CACNA1C: variants seen among roughly 807,000 people sequenced by gnomAD.
CACNA1C encodes calcium voltage-gated channel subunit alpha1 C, also known as voltage-dependent L-type calcium channel subunit alpha-1C.
CACNA1C carries 30 observed loss-of-function variants against 229.0 expected under a neutral mutation model. The ratio of observed to expected loss-of-function variants is 0.13; its 90% CI spans 0.10 to 0.18. The LOEUF (loss-of-function observed/expected upper bound fraction) is 0.18. CACNA1C is among the 10% of genes least tolerant of loss of function. The pLI is 1.00. For missense variants in CACNA1C, 1,658 were observed against 2,845.0 expected, an observed-to-expected ratio of 0.58 and a Z score of 9.49; for synonymous variants, 1,114 against 1,132.5, an observed-to-expected ratio of 0.98 and a Z score of 0.33.
At position 2,384,878 on chromosome 12, in the gene CACNA1C, A is replaced by G. The variant is rs113621455; in HGVS notation, c.478-64098A>G. 3.3e-3 allele frequency among the ~76,000 whole-genome samples: 507 copies of G among 152,294 alleles called. 3 individuals are homozygous for G. Among genetic ancestry groups the G allele is most frequent in the African/African-American group, 0.012 (479 of 41,558 alleles). ...TCTTTTTACTTTTTGGTCTGCTAGA[A>G]TTTACTGCATGCGTAGTTATCCAGA... On this transcript the variant is annotated intron_variant, in intron 3 of 46. Transcript: ENST00000399655.
intron 3 of CACNA1C, among the ~76,000 whole-genome samples, chr12:2,443,709 T>A: frequency 6.6e-6 from 1 of 152,212 alleles, no homozygotes; most frequent in Admixed American, 6.5e-5. Flanking sequence ...CACGGAACTG[T>A]ATATTCAAGG....
rs1025542636 is a variant in CACNA1C, at chr12:2,639,250, A to T, written c.3912+4870A>T. On this transcript the variant is annotated intron_variant, in intron 30 of 46. Coordinates refer to ENST00000399655, the MANE Select transcript of CACNA1C (RefSeq NM_000719.7). This position sits in a 1 kb window ranked among gnomAD's most constrained non-coding sequence, Gnocchi z 4.2. ...TAAGAGTGCGATGTCCTGCTGCTCT[A>T]GGGAAGCCTCTTGCTCTTCCTCAGT... Among the ~76,000 whole-genome samples the T allele has an allele frequency of 1.3e-5, 2 of 152,140 alleles. No homozygotes were observed. Among genetic ancestry groups the T allele is most frequent in the Non-Finnish European group, 2.9e-5 (2 of 68,034 alleles).
chr12:2,224,599 T>G (rs1018266090), intron 3 of CACNA1C, among the ~76,000 whole-genome samples: 5 of 152,300 alleles, frequency 3.3e-5, no homozygotes, highest in Admixed American at 3.3e-4. Context: ...TTGTGTGTTA[T>G]AAGATGACTT....
At chr12:2,452,957 TC>T (rs779226931) in intron 4 of CACNA1C, among the ~76,000 whole-genome samples, 1 of 152,026 alleles carries the variant, frequency 6.6e-6, no homozygotes, top group East Asian at 1.9e-4. Flanking sequence ...AGAAGCCCAC[TC>T]CCCCATCCTG....
chr12:2,327,339 T>A (rs971642378), intron 3 of CACNA1C, among the ~76,000 whole-genome samples: 2 of 152,244 alleles, frequency 1.3e-5, no homozygotes, highest in African/African-American at 2.4e-5. Context: ...TGAAACACAC[T>A]GCCAGGCATC....
intron 45 of CACNA1C, 141 bp downstream of exon 45, chr12:2,686,410 T>C (rs112415958): frequency 1.5e-4 from 116 of 762,134 alleles, no homozygotes; most frequent in Admixed American, 4.7e-4. Flanking sequence ...CTAAGAGCCA[T>C]CCCTGTAGGG....
chr12:2,636,357 T>C (rs2092681932), intron 30 of CACNA1C, among the ~76,000 whole-genome samples: 2 of 152,302 alleles, frequency 1.3e-5, no homozygotes, highest in East Asian at 3.9e-4. Context: ...AAACTATTCA[T>C]GTCTTTAAAG....
chr12:2,518,599 C>G (rs563585881), intron 9 of CACNA1C, among the ~76,000 whole-genome samples: 1 of 148,478 alleles, frequency 6.7e-6, no homozygotes, highest in Non-Finnish European at 1.5e-5. Context: ...CAGAGCCAGA[C>G]GCTGTCTCAA....
rs746172559 is a variant in CACNA1C, at chr12:2,148,340, CTG to C, written c.477+27911_477+27912del. ...ATCCCACTTATGGGCAAGAGGGCGTCTGAACTTGTCTTCCAGCCATGGCTCAA... is the reference window on the plus strand; with the variant it reads ...ATCCCACTTATGGGCAAGAGGGCGTCAACTTGTCTTCCAGCCATGGCTCAA... On this transcript the variant is annotated intron_variant, in intron 3 of 46. Coordinates refer to ENST00000399655, the MANE Select transcript of CACNA1C (RefSeq NM_000719.7). Among the ~76,000 whole-genome samples, 62 of 151,264 alleles carry C rather than the reference CTG, an allele frequency of 4.1e-4. 1 individual carries two copies. The highest frequency in any genetic ancestry group is 7.4e-4 in the Non-Finnish European group (50 of 67,622).
rs1238581042 is a variant in CACNA1C at position 2,512,927 on chromosome 12, G to A, written c.1333G>A (p.Glu445Lys). The A allele has an allele frequency of 2.5e-6, 4 of 1,611,754 alleles. No individual in the cohort carries two copies. The highest frequency in any genetic ancestry group is 1.7e-5 in the Admixed American group (1 of 59,770). The change falls in exon 9 of 47, where the codon GAA (glutamate) becomes AAA (lysine). Residue 445 changes from glutamate to lysine, a missense_variant. Physicochemically the swap from Glu to Lys is moderately conservative, Grantham distance 56. Around this residue, in one of 20 missense-constraint regions of CACNA1C, gnomAD observed 149 missense variants for 194.2 expected, o/e 0.77. Coordinates refer to ENST00000399655, the MANE Select transcript of CACNA1C (RefSeq NM_000719.7). The surrounding 1 kb of genome is among the most constrained non-coding windows in gnomAD (Gnocchi z 4.3). ...KGYLDWITQAEDIDPENEDEG... is the reference protein window; with the variant it reads ...KGYLDWITQAKDIDPENEDEG... The stretch of plus-strand genomic sequence containing the variant: ...CTACCTGGATTGGATCACTCAGGCC[G>A]AAGACATCGATCCTGAGAATGAGGA...
chr12:2,091,722 G>A (rs897987524), intron 1 of CACNA1C, among the ~76,000 whole-genome samples: 3 of 152,250 alleles, frequency 2.0e-5, no homozygotes, highest in Admixed American at 1.3e-4. Context: ...GTGTCTGGGG[G>A]TGATGGTCAT....
intron 3 of CACNA1C, among the ~76,000 whole-genome samples, chr12:2,342,735 G>T (rs1283484351): frequency 6.6e-6 from 1 of 152,200 alleles, no homozygotes; most frequent in Non-Finnish European, 1.5e-5. Context: ...GCTGCAGTAG[G>T]ATGATGTGTT....
In CACNA1C at chr12:2,246,451, C is replaced by G. The variant is rs140079584; in HGVS notation, c.477+126021C>G. Among the ~76,000 whole-genome samples, 1,453 of 152,250 alleles carry G rather than the reference C, an allele frequency of 9.5e-3. 13 individuals are homozygous for G. Among genetic ancestry groups the G allele is most frequent in the African/African-American group, 0.033 (1,377 of 41,544 alleles). ...TCAGGCTTTCCTTATCCCACTGAGCCATGCCTCCCTGCCTGAAACGTGTTT... is the reference window on the plus strand; with the variant it reads ...TCAGGCTTTCCTTATCCCACTGAGCGATGCCTCCCTGCCTGAAACGTGTTT... On this transcript the variant is annotated intron_variant, in intron 3 of 46. Coordinates refer to ENST00000399655, the MANE Select transcript of CACNA1C (RefSeq NM_000719.7).
At position 2,346,264 on chromosome 12, in the gene CACNA1C, G is replaced by A. The variant is rs568885302; in HGVS notation, c.478-102712G>A. Among the ~76,000 whole-genome samples, 47 of 152,114 alleles carry A rather than the reference G, an allele frequency of 3.1e-4. No homozygotes were observed. The highest frequency in any genetic ancestry group is 1.0e-3 in the Admixed American group (16 of 15,276). On this transcript the variant is annotated intron_variant, in intron 3 of 46. Transcript: ENST00000399655. The surrounding 1 kb of genome is among the most constrained non-coding windows in gnomAD (Gnocchi z 4.4). ...GTGTGTCTCTGTCTGTGCATCTCTC[G>A]TATGTGCCTGTGTCTCTATGTAATG...
intron 1 of CACNA1C, among the ~76,000 whole-genome samples, chr12:2,003,536 T>G (rs1320022680): frequency 6.6e-6 from 1 of 152,214 alleles, no homozygotes; most frequent in Non-Finnish European, 1.5e-5. Context: ...TGCAACAGGA[T>G]TCCAGTGTTC....
chr12:2,040,626 A>G (rs2049920804), intron 1 of CACNA1C, among the ~76,000 whole-genome samples: 1 of 152,248 alleles, frequency 6.6e-6, no homozygotes, highest in African/African-American at 2.4e-5. Context: ...GATGGTGACC[A>G]ACTAGTCTCT....
At chr12:1,970,824 A>G (rs2031999959), upstream of CACNA1C, 2 of 278,940 alleles carry the variant, frequency 7.2e-6, no homozygotes, top group East Asian at 9.9e-5. Flanking sequence ...CGAAAATACA[A>G]GGTTGAAAAG....
intron 3 of CACNA1C, among the ~76,000 whole-genome samples, chr12:2,377,283 A>G (rs1380019180): frequency 2.0e-5 from 3 of 152,140 alleles, no homozygotes; most frequent in Non-Finnish European, 2.9e-5. Flanking sequence ...TGTGAGCACA[A>G]GCTGGGAGGA....
At chr12:2,499,815 TA>T (rs1210863807) in intron 7 of CACNA1C, among the ~76,000 whole-genome samples, 1 of 151,848 alleles carries the variant, frequency 6.6e-6, no homozygotes, top group East Asian at 1.9e-4. Context: ...TTTTTTTTTT[TA>T]AATCTGACTT....
Sources: allele counts gnomAD v4.1 joint callset (sites outside exome capture counted in the v4.1 genomes callset), GRCh38; gene constraint gnomAD v4.1.1; regional missense constraint gnomAD v4.1.1; non-coding constraint Gnocchi (gnomAD v3.1); transcripts MANE v1.5; gene names NCBI Gene and HGNC (gene_info 2026-07-23, HGNC 2026-07-21).